ERBB4: variants seen among roughly 807,000 people sequenced by gnomAD.
ERBB4 encodes the protein receptor tyrosine-protein kinase erbB-4.
In ERBB4, 42 loss-of-function variants were observed where a neutral mutation model predicts 158.0. That is an observed-to-expected ratio of 0.27 (90% CI 0.21 to 0.34). The LOEUF (loss-of-function observed/expected upper bound fraction) is 0.34, where lower values mean the gene tolerates loss of function less well. Ranked by LOEUF, ERBB4 falls within the 10% of genes least tolerant of loss-of-function variation. The pLI is 1.00. For synonymous variants in ERBB4, 583 were observed against 558.7 expected (o/e 1.04, Z -0.61); for missense variants, 1,333 against 1,624.1 (o/e 0.82, Z 3.08).
intron 2 of ERBB4, among the ~76,000 whole-genome samples, chr2:212,092,745 G>A (rs747143805): frequency 1.3e-5 from 2 of 152,034 alleles, no homozygotes; most frequent in African/African-American, 4.8e-5. Context: ...ATAAAATTAG[G>A]CAATAAGTTG....
intron 2 of ERBB4, among the ~76,000 whole-genome samples, chr2:212,082,470 G>T (rs6753398): frequency 0.13 from 19,008 of 151,916 alleles, 1,500 homozygotes; most frequent in African/African-American, 0.22. Context: ...TTTTATAAGG[G>T]CATTTGCATA....
intron 20 of ERBB4, among the ~76,000 whole-genome samples, chr2:211,525,248 C>G (rs1410065799): frequency 6.6e-6 from 1 of 152,096 alleles, no homozygotes; most frequent in East Asian, 1.9e-4. Flanking sequence ...CTTGCAACCC[C>G]AGACAAAAAA....
chr2:211,850,867 T>C lies in ERBB4; in HGVS notation c.422-62708A>G, dbSNP rs10932411. Among the ~76,000 whole-genome samples the C allele has an allele frequency of 4.8e-3, 729 of 152,074 alleles. 17 individuals are homozygous for C. In the East Asian group the frequency reaches 0.049, roughly 10 times the overall value. On this transcript the variant is annotated intron_variant, in intron 3 of 27. Transcript: ENST00000342788. ...TGAAAGATAATCTAAAACTAAGTAA[T>C]AATATCAATTATATTAAGACACTGA...
intron 2 of ERBB4, among the ~76,000 whole-genome samples, chr2:211,970,010 A>T (rs1052606665): frequency 1.3e-4 from 20 of 151,902 alleles, no homozygotes; most frequent in Non-Finnish European, 2.8e-4. Context: ...GATCTTTCTA[A>T]CTTTTTGATG....
At chr2:211,500,852 AGTGACTCCTTTG>A (rs2065597562) in intron 20 of ERBB4, among the ~76,000 whole-genome samples, 1 of 152,026 alleles carries the variant, frequency 6.6e-6, no homozygotes. Context: ...TTTTTAAAAG[AGTGACTCCTTTG>A]GTATAATAGG....
chr2:211,658,188 C>A (rs2071289749), intron 15 of ERBB4, among the ~76,000 whole-genome samples: 1 of 152,084 alleles, frequency 6.6e-6, no homozygotes, highest in Non-Finnish European at 1.5e-5. Flanking sequence ...AAGTGGGATG[C>A]AAAGAAATGT....
intron 3 of ERBB4, among the ~76,000 whole-genome samples, chr2:211,805,524 T>C (rs973450689): frequency 5.9e-5 from 9 of 152,238 alleles, no homozygotes; most frequent in African/African-American, 1.4e-4. Context: ...ATTACTTCCA[T>C]TGATTTGTTC....
At chr2:211,857,632 T>C (rs2106058349) in intron 3 of ERBB4, among the ~76,000 whole-genome samples, 1 of 152,304 alleles carries the variant, frequency 6.6e-6, no homozygotes, top group Non-Finnish European at 1.5e-5. Flanking sequence ...TGGATAAGCC[T>C]CAGCATATTC....
chr2:211,797,989 T>C lies in ERBB4; in HGVS notation c.422-9830A>G, dbSNP rs981551612. 2.6e-5 allele frequency among the ~76,000 whole-genome samples: 4 copies of C among 152,186 alleles called. No individual in the cohort carries two copies. In the East Asian group the frequency reaches 7.7e-4, roughly 29 times the overall value. On this transcript the variant is annotated intron_variant, in intron 3 of 27. Coordinates refer to ENST00000342788, the MANE Select transcript of ERBB4 (RefSeq NM_005235.3). ...AGATTGCTTTGTATACAGTTTCAAA[T>C]TAGTATACATTAACTACAGTAAAAT...
In ERBB4 at chr2:211,704,094, A is replaced by T; in HGVS notation, c.1289+10T>A. 6.6e-7 allele frequency: 1 copy of T among 1,511,910 alleles called. No individual in the cohort carries two copies. Among genetic ancestry groups the T allele is most frequent in the Non-Finnish European group, 9.2e-7 (1 of 1,086,810 alleles). 93.7% of individuals were successfully genotyped at this position (1,511,910 alleles called of 1,614,324 possible). A position where few individuals can be genotyped will look rare whatever the true frequency, so the allele number is the denominator to read the frequency against. Reference sequence around the variant, plus strand: ...CTGTGAGCCCTGCAGCTTTAAACATATCCACTTACCTATAGAGTACTCTTC... The same window carrying T: ...CTGTGAGCCCTGCAGCTTTAAACATTTCCACTTACCTATAGAGTACTCTTC... On this transcript the variant is annotated intron_variant, in intron 11 of 27. Coordinates refer to ENST00000342788, the MANE Select transcript of ERBB4 (RefSeq NM_005235.3).
At chr2:211,393,160 C>T (rs1252808479) in intron 25 of ERBB4, among the ~76,000 whole-genome samples, 1 of 152,038 alleles carries the variant, frequency 6.6e-6, no homozygotes, top group African/African-American at 2.4e-5. Context: ...TAAGTCAGTC[C>T]TCAAAGTCTA....
At chr2:211,470,767 C>T (rs1156388422) in intron 20 of ERBB4, among the ~76,000 whole-genome samples, 2 of 152,190 alleles carry the variant, frequency 1.3e-5, no homozygotes, top group Non-Finnish European at 2.9e-5. Flanking sequence ...TGTATTTCTA[C>T]ACATCTCATT....
intron 1 of ERBB4, chr2:212,429,218 T>C (rs1335941305): frequency 1.3e-5 from 2 of 152,122 alleles, no homozygotes; most frequent in Non-Finnish European, 2.9e-5. Flanking sequence ...ATTAAGAAGA[T>C]CTCACAGAGA....
intron 1 of ERBB4, among the ~76,000 whole-genome samples, chr2:212,353,876 A>G (rs988616221): frequency 2.0e-5 from 3 of 152,176 alleles, no homozygotes; most frequent in Admixed American, 6.6e-5. Context: ...CTTCTGGACC[A>G]GTGCAGTTAA....
At chr2:212,281,699 T>C (rs919114329) in intron 1 of ERBB4, among the ~76,000 whole-genome samples, 2 of 151,870 alleles carry the variant, frequency 1.3e-5, no homozygotes, top group African/African-American at 4.8e-5. Context: ...TGGCACATTA[T>C]GTGGTTCATC....
At chr2:212,390,920 G>T (rs2090835706) in intron 1 of ERBB4, among the ~76,000 whole-genome samples, 1 of 151,804 alleles carries the variant, frequency 6.6e-6, no homozygotes, top group Admixed American at 6.6e-5. Context: ...AATAAAAATA[G>T]TTATTTTCAT....
intron 4 of ERBB4, among the ~76,000 whole-genome samples, chr2:211,784,800 A>G (rs2076117874): frequency 6.6e-6 from 1 of 151,982 alleles, no homozygotes; most frequent in Non-Finnish European, 1.5e-5. Flanking sequence ...AATAAGTGGG[A>G]GACAATATCT....
intron 4 of ERBB4, among the ~76,000 whole-genome samples, chr2:211,759,845 T>C (rs1373962122): frequency 6.6e-6 from 1 of 150,830 alleles, no homozygotes; most frequent in Non-Finnish European, 1.5e-5. Context: ...GTGTGTTGCA[T>C]TTTAACACGA....
At chr2:212,364,369 C>T (rs988112634) in intron 1 of ERBB4, among the ~76,000 whole-genome samples, 1 of 151,644 alleles carries the variant, frequency 6.6e-6, no homozygotes, top group African/African-American at 2.4e-5. Flanking sequence ...CCCCTTGACT[C>T]CTACTACCGC....
Sources: gnomAD v4.1 joint callset for allele counts (sites outside exome capture counted in the v4.1 genomes callset) on GRCh38, gnomAD v4.1.1 for gene constraint, MANE v1.5 for transcripts, NCBI Gene and HGNC (gene_info 2026-07-23, HGNC 2026-07-21) for gene names.